The following TUSC3 variants were observed in gnomAD, a reference collection of about 807,000 sequenced individuals.
TUSC3 encodes the protein tumor suppressor candidate 3, also known as dolichyl-diphosphooligosaccharide--protein glycosyltransferase subunit TUSC3.
Under a neutral mutation model 44.8 loss-of-function variants are expected in TUSC3, and 45 were observed. That is an observed-to-expected ratio of 1.00 (90% CI 0.79 to 1.29). The LOEUF (loss-of-function observed/expected upper bound fraction) is 1.29, where lower values mean the gene tolerates loss of function less well. TUSC3 is among the 50% of genes most tolerant of loss of function. The pLI is 0.00. For synonymous variants in TUSC3, 212 were observed against 152.9 expected (o/e 1.39, Z -2.85); for missense variants, 519 against 437.9 (o/e 1.19, Z -1.65).
intron 6 of TUSC3, among the ~76,000 whole-genome samples, chr8:15,700,849 C>CTTTTTTTGTTTTTTTTTTT (rs1809367481): frequency 1.1e-5 from 1 of 90,536 alleles, no homozygotes; most frequent in Non-Finnish European, 2.0e-5. Flanking sequence ...ATGGCTGGAG[C>CTTTTTTTGTTTTTTTTTTT]TTTTTTTTTT....
chr8:15,736,948 AATGAC>A (rs1439689185), intron 7 of TUSC3, among the ~76,000 whole-genome samples: 5 of 152,142 alleles, frequency 3.3e-5, no homozygotes, highest in Non-Finnish European at 7.4e-5. Flanking sequence ...ATCTCAAGAA[AATGAC>A]ATGAAATAAA....
At chr8:15,807,104 G>C in the TUSC3 span, 1 of 1,237,742 alleles carries the variant, frequency 8.1e-7, no homozygotes, top group South Asian at 1.2e-5. Flanking sequence ...CAGGATGCCC[G>C]TTATACACAG....
At chr8:15,676,471 T>A (rs1160019101) in intron 6 of TUSC3, among the ~76,000 whole-genome samples, 1 of 152,220 alleles carries the variant, frequency 6.6e-6, no homozygotes, top group African/African-American at 2.4e-5. Flanking sequence ...AGCCTTTTAG[T>A]TTAATTAGGT....
At chr8:15,737,966 A>G (rs1018146597) in intron 7 of TUSC3, among the ~76,000 whole-genome samples, 12 of 152,222 alleles carry the variant, frequency 7.9e-5, no homozygotes, top group Middle Eastern at 3.2e-3. Context: ...AATTTAAGCT[A>G]AACGATTCTC....
intron 6 of TUSC3, among the ~76,000 whole-genome samples, chr8:15,675,942 G>T (rs77744671): frequency 6.6e-6 from 1 of 152,034 alleles, no homozygotes; most frequent in African/African-American, 2.4e-5. Flanking sequence ...TTTCCTTTGG[G>T]TATATACCAG....
chr8:15,543,924 G>GTGTA (rs560919383), intron 1 of TUSC3, among the ~76,000 whole-genome samples: 134 of 151,948 alleles, frequency 8.8e-4, no homozygotes, highest in African/African-American at 3.1e-3. Flanking sequence ...GTGTGTGTGT[G>GTGTA]TGTGTGTGTG....
At chr8:15,536,994 CA>C (rs1801533300), upstream of TUSC3, among the ~76,000 whole-genome samples, 1 of 152,166 alleles carries the variant, frequency 6.6e-6, no homozygotes, top group Admixed American at 6.5e-5. Flanking sequence ...AATTGCCCTG[CA>C]AAGTCTCTTG....
chr8:15,735,408 A>G (rs78986378), intron 7 of TUSC3, among the ~76,000 whole-genome samples: 2,981 of 152,300 alleles, frequency 0.02, 103 homozygotes, highest in African/African-American at 0.067. Flanking sequence ...TTGGAGGGCA[A>G]TGTTTAGCCC....
chr8:15,771,947 G>A, the TUSC3 span, among the ~76,000 whole-genome samples: 1 of 152,096 alleles, frequency 6.6e-6, no homozygotes, highest in Non-Finnish European at 1.5e-5. Context: ...AAATTAGCCA[G>A]GTGTGGTAGA....
the TUSC3 span, among the ~76,000 whole-genome samples, chr8:15,771,766 G>C: frequency 6.6e-6 from 1 of 152,090 alleles, no homozygotes; most frequent in African/African-American, 2.4e-5. Context: ...TTCAGAGGGG[G>C]ATTTGTAGCT....
At chr8:15,603,358 A>G (rs1171632687) in intron 1 of TUSC3, among the ~76,000 whole-genome samples, 1 of 151,626 alleles carries the variant, frequency 6.6e-6, no homozygotes, top group Non-Finnish European at 1.5e-5. Flanking sequence ...AAAAAGTCTG[A>G]CAGTGTTAGT....
At chr8:15,841,945 T>C in the TUSC3 span, among the ~76,000 whole-genome samples, 1 of 152,230 alleles carries the variant, frequency 6.6e-6, no homozygotes, top group African/African-American at 2.4e-5. Context: ...AGGTTCTAAG[T>C]ATTTCCCTGA....
chr8:15,804,962 G>A, the TUSC3 span, among the ~76,000 whole-genome samples: 3 of 152,090 alleles, frequency 2.0e-5, no homozygotes, highest in African/African-American at 7.2e-5. Flanking sequence ...CAGTCCATGA[G>A]CATGGAATTT....
At chr8:15,575,286 A>G (rs1406610928) in intron 1 of TUSC3, among the ~76,000 whole-genome samples, 1 of 152,174 alleles carries the variant, frequency 6.6e-6, no homozygotes, top group African/African-American at 2.4e-5. Context: ...CATGTAGCCA[A>G]TGTGTTGTAT....
At chr8:15,757,311 G>A (rs753314564) in intron 9 of TUSC3, among the ~76,000 whole-genome samples, 11 of 152,050 alleles carry the variant, frequency 7.2e-5, no homozygotes, top group Non-Finnish European at 1.5e-4. Flanking sequence ...AGATGAAAAT[G>A]GAATGATATT....
At chr8:15,522,590 T>C (rs904796579) in intron 2 of TUSC3, among the ~76,000 whole-genome samples, 4 of 151,486 alleles carry the variant, frequency 2.6e-5, no homozygotes, top group African/African-American at 9.7e-5. Flanking sequence ...CACTCCCACA[T>C]GTGTTCCACT....
chr8:15,437,193 G>T (rs1164300344), intron 1 of TUSC3, among the ~76,000 whole-genome samples: 4 of 152,064 alleles, frequency 2.6e-5, no homozygotes, highest in Admixed American at 6.6e-5. Context: ...TGTATTAATT[G>T]TATTACATGA....
chr8:15,457,525 C>A (rs1411884610), intron 1 of TUSC3, among the ~76,000 whole-genome samples: 1 of 151,056 alleles, frequency 6.6e-6, no homozygotes, highest in African/African-American at 2.4e-5. Context: ...CATTTATATA[C>A]TGTATGAACC....
chr8:15,568,235 AAC>A (rs1802747536), intron 1 of TUSC3, among the ~76,000 whole-genome samples: 2 of 152,184 alleles, frequency 1.3e-5, no homozygotes. Context: ...CTAAGCAAAA[AAC>A]ACAAAGAGAA....
Sources: allele counts gnomAD v4.1 joint callset (sites outside exome capture counted in the v4.1 genomes callset), GRCh38; gene constraint gnomAD v4.1.1; transcripts MANE v1.5; gene names NCBI Gene and HGNC (gene_info 2026-07-23, HGNC 2026-07-21).